TOX3: variants seen among roughly 807,000 people sequenced by gnomAD.
The protein encoded by TOX3 is CAG trinucleotide repeat-containing gene F9 protein.
In TOX3, 22 loss-of-function variants were observed where a neutral mutation model predicts 64.3. The observed-to-expected ratio is 0.34, with a 90% CI of 0.24 to 0.49. The LOEUF is 0.49. Ranked by LOEUF, TOX3 falls within the 20% of genes least tolerant of loss-of-function variation. TOX3 has a pLI of 0.99. For synonymous variants in TOX3, 291 were observed against 273.6 expected (o/e 1.06, Z -0.63); for missense variants, 661 against 714.4 (o/e 0.93, Z 0.85).
Position 52,546,808 on chromosome 16 carries a change from T to G in TOX3, c.-85A>C. 7.6e-7 allele frequency: 1 copy of G among 1,321,988 alleles called. No individual in the cohort carries two copies. Among genetic ancestry groups the G allele is most frequent in the Non-Finnish European group, 9.6e-7 (1 of 1,037,170 alleles). 81.9% of individuals were successfully genotyped at this position (1,321,988 alleles called of 1,614,324 possible). A position where few individuals can be genotyped will look rare whatever the true frequency, so the allele number is the denominator to read the frequency against. On this transcript the variant is annotated 5_prime_UTR_variant, in exon 1 of 7. Coordinates refer to ENST00000219746, the MANE Select transcript of TOX3 (RefSeq NM_001080430.4). ...CTCCTCGCCGCCGCTAGATCCACCG[T>G]CGAGGGCGCCCGGGGGTGGCGCGTG...
chr16:52,514,071 A>C (rs1962381075), intron 1 of TOX3, among the ~76,000 whole-genome samples: 1 of 152,212 alleles, frequency 6.6e-6, no homozygotes, highest in Non-Finnish European at 1.5e-5. Flanking sequence ...GAAAAGGGAG[A>C]GCAAGAGATT....
At chr16:52,498,413 T>C (rs1460732114) in intron 1 of TOX3, among the ~76,000 whole-genome samples, 1 of 152,232 alleles carries the variant, frequency 6.6e-6, no homozygotes, top group East Asian at 1.9e-4. Flanking sequence ...CTGCTCACTT[T>C]TAGCCCAAAT....
chr16:52,529,765 A>G (rs553333489), intron 1 of TOX3, among the ~76,000 whole-genome samples: 1 of 152,322 alleles, frequency 6.6e-6, no homozygotes, highest in South Asian at 2.1e-4. Flanking sequence ...ATAGTAACCT[A>G]AGAAGATTCT....
At chr16:52,530,057 AG>A (rs1473227028) in intron 1 of TOX3, among the ~76,000 whole-genome samples, 2 of 152,226 alleles carry the variant, frequency 1.3e-5, no homozygotes, top group Non-Finnish European at 2.9e-5. Context: ...GAAGGAAGCA[AG>A]GCATCTTCTT....
rs67145443 is a variant in TOX3, at chr16:52,437,789, T to TAAAAA, written c.*1431_*1435dup. Among the ~76,000 whole-genome samples the TAAAAA allele has an allele frequency of 9.0e-6, 1 of 111,364 alleles. No individual in the cohort carries two copies. Among genetic ancestry groups the TAAAAA allele is most frequent in the Non-Finnish European group, 1.8e-5 (1 of 54,782 alleles). The allele number at this position is 111,364 out of a possible 152,430, so 73.1% of individuals were successfully genotyped here. ...CTATACTTACCTTGTACTTGCATCT[T>TAAAAA]AAAAAAAAAAAAAAAAAAAAAAAAG... On this transcript the variant is annotated 3_prime_UTR_variant, in exon 7 of 7. Coordinates refer to ENST00000219746, the MANE Select transcript of TOX3 (RefSeq NM_001080430.4).
chr16:52,535,832 C>T (rs1962933486), intron 1 of TOX3, among the ~76,000 whole-genome samples: 1 of 152,174 alleles, frequency 6.6e-6, no homozygotes, highest in Non-Finnish European at 1.5e-5. Context: ...TGTTCTCTTC[C>T]TGCCACCAAC....
intron 6 of TOX3, among the ~76,000 whole-genome samples, chr16:52,442,233 T>A (rs1056032390): frequency 1.1e-4 from 16 of 152,174 alleles, no homozygotes; most frequent in Non-Finnish European, 1.9e-4. Flanking sequence ...TTAAAAGTGA[T>A]AGCAGAGTCG....
At chr16:52,478,294 C>T (rs1232350317) in intron 1 of TOX3, among the ~76,000 whole-genome samples, 4 of 152,158 alleles carry the variant, frequency 2.6e-5, no homozygotes, top group African/African-American at 9.7e-5. Context: ...CACTGCACTG[C>T]CTGGTCCTCA....
intron 1 of TOX3, among the ~76,000 whole-genome samples, chr16:52,471,995 A>G (rs1302075546): frequency 6.6e-6 from 1 of 152,146 alleles, no homozygotes; most frequent in Non-Finnish European, 1.5e-5. Flanking sequence ...TCAGTGATCA[A>G]TTCAGTTTTA....
chr16:52,453,486 G>A (rs1289831135), intron 3 of TOX3, among the ~76,000 whole-genome samples: 1 of 152,102 alleles, frequency 6.6e-6, no homozygotes, highest in African/African-American at 2.4e-5. Context: ...GCCCGGCCCA[G>A]AATGCTTTTT....
chr16:52,453,741 C>G (rs1227343273), intron 3 of TOX3, among the ~76,000 whole-genome samples: 2 of 152,144 alleles, frequency 1.3e-5, no homozygotes, highest in East Asian at 3.9e-4. Context: ...CACCCCACAC[C>G]TAGAGCATTT....
chr16:52,477,723 C>T (rs572484937), intron 1 of TOX3, among the ~76,000 whole-genome samples: 21 of 152,198 alleles, frequency 1.4e-4, no homozygotes, highest in Non-Finnish European at 2.6e-4. Context: ...GTTTACTCTC[C>T]ATGTGTTTCA....
intron 1 of TOX3, among the ~76,000 whole-genome samples, chr16:52,488,150 T>C (rs1961579415): frequency 6.6e-6 from 1 of 152,156 alleles, no homozygotes; most frequent in Non-Finnish European, 1.5e-5. Context: ...TTCCATATTT[T>C]CCCAACTTCA....
chr16:52,450,132 G>T, intron 4 of TOX3, 145 bp downstream of exon 4: 1 of 972,742 alleles, frequency 1.0e-6, no homozygotes, highest in Non-Finnish European at 1.5e-6. Flanking sequence ...ATGAAAGAGT[G>T]AAGAAAAACA....
chr16:52,446,641 C>T (rs1205758567), intron 4 of TOX3, among the ~76,000 whole-genome samples: 1 of 151,758 alleles, frequency 6.6e-6, no homozygotes, highest in East Asian at 1.9e-4. Context: ...AGGTCCCTAG[C>T]CATAGTCACA....
chr16:52,464,246 G>A (rs1424767250), intron 2 of TOX3, 58 bp from the exon 3 acceptor site: 9 of 1,373,088 alleles, frequency 6.6e-6, no homozygotes, highest in Admixed American at 3.0e-5. Context: ...TTATTCCTCC[G>A]GGGAGGGAAA....
chr16:52,487,884 T>C (rs561817964), intron 1 of TOX3, among the ~76,000 whole-genome samples: 37 of 152,344 alleles, frequency 2.4e-4, no homozygotes, highest in Non-Finnish European at 4.6e-4. Context: ...GTCTGTGATT[T>C]TTGGAATCAA....
In TOX3 at chr16:52,439,395, G is replaced by A. The variant is rs750146496; in HGVS notation, c.1561C>T (p.His521Tyr). 3 of 1,592,692 alleles carry A rather than the reference G, an allele frequency of 1.9e-6. No homozygotes were observed. The highest frequency in any genetic ancestry group is 2.6e-6 in the Non-Finnish European group (3 of 1,168,636). The part of the protein sequence containing the change: ...QQRLQLQQLQ[H>Y]MQHQSQPSPR... ...GAAGGCTGAGACTGGTGCTGCATGT[G>A]TTGCAGCTGCTGCAGCTGGAGGCGC... The change falls in exon 7 of 7, where the codon CAC becomes TAC. Residue 521 changes from histidine (H) to tyrosine (Y), a missense_variant. Coordinates refer to ENST00000219746, the MANE Select transcript of TOX3 (RefSeq NM_001080430.4).
chr16:52,542,599 T>C (rs1963098240), intron 1 of TOX3, among the ~76,000 whole-genome samples: 1 of 152,202 alleles, frequency 6.6e-6, no homozygotes, highest in Admixed American at 6.5e-5. Flanking sequence ...GGGTATGTTC[T>C]CTACTTGGCC....
Sources: allele counts gnomAD v4.1 joint callset (sites outside exome capture counted in the v4.1 genomes callset), GRCh38; gene constraint gnomAD v4.1.1; transcripts MANE v1.5; gene names NCBI Gene and HGNC (gene_info 2026-07-23, HGNC 2026-07-21).